The following FAT1 variants were observed in gnomAD, a reference collection of about 807,000 sequenced individuals.
FAT1 encodes the protein protocadherin Fat 1.
In FAT1, 171 loss-of-function variants were observed where a neutral mutation model predicts 329.8. That is an observed-to-expected ratio of 0.52 (90% CI 0.46 to 0.59). FAT1 has a LOEUF of 0.59. Among genes scored for constraint, FAT1 ranks in the 20% least tolerant of loss-of-function variants. The pLI is 0.00. For synonymous variants in FAT1, 2,233 were observed against 2,228.6 expected, an observed-to-expected ratio of 1.00 and a Z score of -0.06; for missense variants, 5,672 against 5,774.4, an observed-to-expected ratio of 0.98 and a Z score of 0.57.
At position 186,708,974 on chromosome 4, in the gene FAT1, G is replaced by C. The variant is rs2126700505; in HGVS notation, c.854C>G (p.Ala285Gly). 1 of 1,613,998 alleles carries C rather than the reference G, an allele frequency of 6.2e-7. No homozygotes were observed. Residue 285 changes from alanine (A) to glycine (G), a missense_variant, in exon 2 of 27, where the codon GCC becomes GGC. Physicochemically the swap from Ala to Gly is moderately conservative, Grantham distance 60. Around this residue, in one of 2 missense-constraint regions of FAT1, gnomAD observed 3,966 missense variants for 3,915.2 expected, o/e 1.01. Transcript: ENST00000441802. The part of the protein sequence containing the change: ...IVTVDDCDQG[A>G]NGDIASLSIV... The stretch of plus-strand genomic sequence containing the variant: ...GCTTAAAGATGCTATGTCACCATTG[G>C]CACCCTGATCGCAGTCATCCACTGT...
In FAT1 at chr4:186,604,447, G is replaced by C. The variant is rs200357548; in HGVS notation, c.10478C>G (p.Pro3493Arg). The C allele has an allele frequency of 6.2e-6, 10 of 1,613,844 alleles. No homozygotes were observed. The highest frequency in any genetic ancestry group is 3.3e-5 in the Admixed American group (2 of 60,020). ...AGATGATGTCAGGAGGACTCCTTGC[G>C]GGTTAACTTCAAAAGCCTTCTCATC... ...GNDEKAFEVN[P>R]QGVLLTSSAI... Residue 3493 changes from proline (P) to arginine (R), a missense_variant, in exon 18 of 27, where the codon CCG (proline) becomes CGG (arginine). By Grantham distance (103) the Pro-to-Arg change is moderately radical. Transcript: ENST00000441802.
chr4:186,684,804 G>A (rs1308321575), intron 2 of FAT1, among the ~76,000 whole-genome samples: 1 of 152,022 alleles, frequency 6.6e-6, no homozygotes, highest in Non-Finnish European at 1.5e-5. Context: ...GGTCACCTCT[G>A]GATAGGGCGT....
At chr4:186,660,841 G>A (rs896427887) in intron 3 of FAT1, among the ~76,000 whole-genome samples, 1 of 152,122 alleles carries the variant, frequency 6.6e-6, no homozygotes, top group African/African-American at 2.4e-5. Context: ...GGTTTTCAAG[G>A]CTCCCCACAG....
intron 26 of FAT1, chr4:186,590,249 C>T (rs1401117563): frequency 1.3e-5 from 6 of 478,424 alleles, no homozygotes; most frequent in Middle Eastern, 3.3e-4. Context: ...CACATGCAGC[C>T]GTGTACTTAG....
rs371371201 is a variant in FAT1, at chr4:186,707,544, C to T, written c.2284G>A (p.Asp762Asn). The change falls in exon 2 of 27, where the codon GAT (aspartate) becomes AAT (asparagine). Residue 762 changes from aspartate to asparagine, a missense_variant. Physicochemically the swap from Asp to Asn is conservative, Grantham distance 23. This residue lies in a region of FAT1 where 3,966 missense variants were observed against 3,915.2 expected (regional missense o/e 1.01). Coordinates refer to ENST00000441802, the MANE Select transcript of FAT1 (RefSeq NM_005245.4). ...TCCATATCAATCATGAAGCAACTAT[C>T]CTCATTTCCTCCAGAAACAGCATAG... ...LVYAVSGGNE[D>N]SCFMIDMETG... 122 of 1,613,890 alleles carry T rather than the reference C, an allele frequency of 7.6e-5. No homozygotes were observed. The highest frequency in any genetic ancestry group is 1.0e-4 in the Non-Finnish European group (121 of 1,179,908).
intron 3 of FAT1, among the ~76,000 whole-genome samples, chr4:186,645,665 C>T (rs1579380276): frequency 1.3e-5 from 2 of 151,426 alleles, no homozygotes; most frequent in Admixed American, 1.3e-4. Context: ...TCAACATCAG[C>T]ACAGTGGATA....
chr4:186,682,437 G>A (rs1195314300), intron 2 of FAT1, among the ~76,000 whole-genome samples: 1 of 150,766 alleles, frequency 6.6e-6, no homozygotes, highest in African/African-American at 2.4e-5. Context: ...TGAGGCAGGA[G>A]GATTCCTTGA....
intron 22 of FAT1, among the ~76,000 whole-genome samples, chr4:186,599,026 C>A (rs372828235): frequency 6.6e-6 from 1 of 152,190 alleles, no homozygotes; most frequent in African/African-American, 2.4e-5. Flanking sequence ...AGCTGCCATA[C>A]TCCTTTACTC....
chr4:186,616,886 A>T, intron 11 of FAT1, 119 bp downstream of exon 11: 1 of 851,268 alleles, frequency 1.2e-6, no homozygotes, highest in East Asian at 2.5e-5. Flanking sequence ...ACCTCTGCTT[A>T]ATCAGTAAGT....
At chr4:186,652,198 AACTCAATTT>A (rs371413643) in intron 3 of FAT1, among the ~76,000 whole-genome samples, 324 of 152,334 alleles carry the variant, frequency 2.1e-3, no homozygotes, top group African/African-American at 7.3e-3. Context: ...TCGACAGCAA[AACTCAATTT>A]ACAGGGAATT....
At position 186,706,598 on chromosome 4, in the gene FAT1, G is replaced by C. The variant is rs2126681951; in HGVS notation, c.3230C>G (p.Ser1077Cys). 2 of 1,612,640 alleles carry C rather than the reference G, an allele frequency of 1.2e-6. No homozygotes were observed. The highest frequency in any genetic ancestry group is 1.7e-6 in the Non-Finnish European group (2 of 1,178,938). The change falls in exon 2 of 27, where the codon TCT becomes TGT. Residue 1077 changes from serine to cysteine, a missense_variant. Ser to Cys is a moderately radical substitution (Grantham distance 112). Transcript: ENST00000441802. The part of the protein sequence containing the change: ...GEIRYSIRDG[S>C]GVGVFKIGEE... ...ACCTATTTTGAAAACACCAACGCCA[G>C]AGCCATCTCTAATGGAGTATCGGAT...
chr4:186,715,333 A>G (rs1414805829), intron 1 of FAT1, among the ~76,000 whole-genome samples: 2 of 151,046 alleles, frequency 1.3e-5, no homozygotes, highest in Non-Finnish European at 3.0e-5. Flanking sequence ...TTCTCACGGG[A>G]CACAATACAG....
At chr4:186,594,805 G>A (rs1189220871) in intron 26 of FAT1, among the ~76,000 whole-genome samples, 1 of 149,830 alleles carries the variant, frequency 6.7e-6, no homozygotes, top group Non-Finnish European at 1.5e-5. Flanking sequence ...GATGTATTAT[G>A]GACTATATTA....
chr4:186,593,422 C>T (rs1738337454), intron 26 of FAT1, among the ~76,000 whole-genome samples: 1 of 152,114 alleles, frequency 6.6e-6, no homozygotes, highest in Admixed American at 6.6e-5. Flanking sequence ...GAAGGCTGGC[C>T]CTCAAATAGT....
intron 2 of FAT1, among the ~76,000 whole-genome samples, chr4:186,706,024 T>C (rs73015660): frequency 0.19 from 29,454 of 152,114 alleles, 3,353 homozygotes; most frequent in African/African-American, 0.3. Flanking sequence ...AGCATGCCAC[T>C]ACCCCGCCTC....
intron 2 of FAT1, among the ~76,000 whole-genome samples, chr4:186,690,022 T>C (rs1743679738): frequency 6.6e-6 from 1 of 152,202 alleles, no homozygotes; most frequent in African/African-American, 2.4e-5. Flanking sequence ...CTTCCTCAGT[T>C]ACTATTCAAT....
intron 13 of FAT1, among the ~76,000 whole-genome samples, chr4:186,612,473 T>C (rs1355707206): frequency 6.6e-6 from 1 of 152,110 alleles, no homozygotes; most frequent in Non-Finnish European, 1.5e-5. Flanking sequence ...ACTTTATGAG[T>C]GCAGAACCGA....
Position 186,709,861 on chromosome 4 carries a change from T to C in FAT1, c.-18-16A>G, listed in dbSNP as rs779937449. On this transcript the variant is annotated splice_polypyrimidine_tract_variant and intron_variant, in intron 1 of 26. Transcript: ENST00000441802. ...TGTCGGGAATCTGAAACAGAAGAAA[T>C]CAGAATCGTTACCTTGGGGAAATAA... 2.6e-6 allele frequency: 4 copies of C among 1,554,946 alleles called. No individual in the cohort carries two copies. The highest frequency in any genetic ancestry group is 3.5e-6 in the Non-Finnish European group (4 of 1,146,826).
chr4:186,655,429 ACAATAAGGT>A (rs2126603012), intron 3 of FAT1, among the ~76,000 whole-genome samples: 1 of 127,582 alleles, frequency 7.8e-6, no homozygotes, highest in East Asian at 2.2e-4. Flanking sequence ...ATCAGTAACC[ACAATAAGGT>A]GATTTTTTTT....
Sources: allele counts gnomAD v4.1 joint callset (sites outside exome capture counted in the v4.1 genomes callset), GRCh38; gene constraint gnomAD v4.1.1; regional missense constraint gnomAD v4.1.1; transcripts MANE v1.5; gene names NCBI Gene and HGNC (gene_info 2026-07-23, HGNC 2026-07-21).